Variants in EPCAM observed in about 807,000 individuals in gnomAD.
The protein encoded by EPCAM is epithelial cell adhesion molecule, also known as adenocarcinoma-associated antigen.
A neutral mutation model predicts 40.0 loss-of-function variants in EPCAM; 39 were observed. The observed-to-expected ratio is 0.98, with a 90% confidence interval of 0.76 to 1.27. The LOEUF is 1.27. EPCAM is among the 50% of genes most tolerant of loss of function. The probability of loss-of-function intolerance (pLI) is 0.00; values close to 1 mark genes in which losing one functional copy is unlikely to be tolerated. For missense variants in EPCAM, 503 were observed against 381.2 expected (o/e 1.32, Z -2.66); for synonymous variants, 168 against 132.3 (o/e 1.27, Z -1.85).
chr2:47,380,594 C>G (rs1434731049), intron 7 of EPCAM, among the ~76,000 whole-genome samples: 1 of 152,122 alleles, frequency 6.6e-6, no homozygotes, highest in African/African-American at 2.4e-5. Flanking sequence ...TACCTGAACC[C>G]CCAAACCACT....
chr2:47,379,949 G>C lies in EPCAM; in HGVS notation c.838G>C (p.Val280Leu), dbSNP rs1204242784. ...AVIVVVVIAVVAGIVVLVISR... is the reference protein window; with the variant it reads ...AVIVVVVIAVLAGIVVLVISR... ...TATTGTGGTTGTGGTGATAGCAGTT[G>C]TTGCTGGAATTGTTGTGCTGGTGAG... Residue 280 changes from valine to leucine, a missense_variant, in exon 7 of 9, where the codon GTT becomes CTT. Transcript: ENST00000263735. 9 of 1,613,026 alleles carry C rather than the reference G, an allele frequency of 5.6e-6. No homozygotes were observed. Among genetic ancestry groups the C allele is most frequent in the South Asian group, 1.1e-5 (1 of 90,980 alleles).
chr2:47,379,014 A>T lies in EPCAM; in HGVS notation c.617A>T (p.Asp206Val), dbSNP rs1671504051. 2 of 1,602,228 alleles carry T rather than the reference A, an allele frequency of 1.2e-6. No homozygotes were observed. The highest frequency in any genetic ancestry group is 4.5e-5 in the East Asian group (2 of 44,750). ...AATTCTTCTCAAAAAACTCAGAATG[A>T]TGTGGACATAGCTGATGTGGCTTAT... ...VQNSSQKTQNDVDIADVAYYF... is the reference protein window; with the variant it reads ...VQNSSQKTQNVVDIADVAYYF... The change falls in exon 6 of 9, where the codon GAT becomes GTT. Residue 206 changes from aspartate (D) to valine (V), a missense_variant. Physicochemically the swap from Asp to Val is radical, Grantham distance 152 (BLOSUM62 -3). Transcript: ENST00000263735.
chr2:47,375,115 A>G (rs1671387761), intron 3 of EPCAM, 119 bp from the exon 4 acceptor site: 2 of 702,648 alleles, frequency 2.8e-6, no homozygotes, highest in Admixed American at 4.4e-5. Flanking sequence ...AGGAATAGCT[A>G]CTGCATAAAT....
At chr2:47,369,981 A>G (rs1032847309) in intron 1 of EPCAM, among the ~76,000 whole-genome samples, 1 of 152,174 alleles carries the variant, frequency 6.6e-6, no homozygotes, top group Non-Finnish European at 1.5e-5. Flanking sequence ...AGTCTTTACG[A>G]CAGGGACCAG....
rs1052079647 is a variant in EPCAM, at chr2:47,369,437, A to C, written c.-69A>C. ...CTGCCCGGCCGGCTCCTCGTGTCCC[A>C]CTCCCGGCGCACGCCCTCCCGCGAG... On this transcript the variant is annotated 5_prime_UTR_variant, in exon 1 of 9. Coordinates refer to ENST00000263735, the MANE Select transcript of EPCAM (RefSeq NM_002354.3). The C allele has an allele frequency of 7.5e-7, 1 of 1,334,964 alleles. No individual in the cohort carries two copies. The highest frequency in any genetic ancestry group is 9.7e-7 in the Non-Finnish European group (1 of 1,033,542). The allele number at this position is 1,334,964 out of a possible 1,614,324, so 82.7% of individuals were successfully genotyped here.
chr2:47,379,064 A>G lies in EPCAM; in HGVS notation c.657+10A>G, dbSNP rs374108293. On this transcript the variant is annotated intron_variant, in intron 6 of 8. Transcript: ENST00000263735. ...TTATTTTGAAAAAGATGTGAGTATC[A>G]TCTTCTTTATTCCTGTGTTCAGGAA... is the stretch of plus-strand genomic sequence containing the variant. The G allele has an allele frequency of 1.2e-4, 156 of 1,324,668 alleles. No homozygotes were observed. In the African/African-American group the frequency reaches 2.1e-3, roughly 18 times the overall value. The allele number at this position is 1,324,668 out of a possible 1,614,324, so 82.1% of individuals were successfully genotyped here.
At position 47,379,928 on chromosome 2, in the gene EPCAM, G is replaced by T. The variant is rs148106293; in HGVS notation, c.817G>T (p.Val273Leu). The change falls in exon 7 of 9, where the codon GTG (valine) becomes TTG (leucine). Residue 273 changes from valine (V) to leucine (L), a missense_variant. Val to Leu is a conservative substitution (Grantham distance 32, BLOSUM62 1). Transcript: ENST00000263735. Reference sequence around the variant, plus strand: ...AAAAGCTGGTGTTATTGCTGTTATTGTGGTTGTGGTGATAGCAGTTGTTGC... The same window carrying T: ...AAAAGCTGGTGTTATTGCTGTTATTTTGGTTGTGGTGATAGCAGTTGTTGC... ...GLKAGVIAVI[V>L]VVVIAVVAGI... 2 of 1,613,952 alleles carry T rather than the reference G, an allele frequency of 1.2e-6. No individual in the cohort carries two copies. Among genetic ancestry groups the T allele is most frequent in the Non-Finnish European group, 1.7e-6 (2 of 1,179,914 alleles).
At position 47,377,095 on chromosome 2, in the gene EPCAM, G is replaced by A. The variant is rs2103753578; in HGVS notation, c.555+18G>A. 1 of 1,522,616 alleles carries A rather than the reference G, an allele frequency of 6.6e-7. No homozygotes were observed. The highest frequency in any genetic ancestry group is 9.1e-7 in the Non-Finnish European group (1 of 1,096,786). The allele number at this position is 1,522,616 out of a possible 1,614,324, so 94.3% of individuals were successfully genotyped here. A position where few individuals can be genotyped will look rare whatever the true frequency, so the allele number is the denominator to read the frequency against. ...GTATTTTGGTATGATTTTTTAATAA[G>A]TGAGCTTTAGCAGACAGTTGGTGAG... On this transcript the variant is annotated intron_variant, in intron 5 of 8. Transcript: ENST00000263735.
chr2:47,376,345 T>C (rs1467899066), intron 4 of EPCAM, among the ~76,000 whole-genome samples: 1 of 150,692 alleles, frequency 6.6e-6, no homozygotes, highest in Non-Finnish European at 1.5e-5. Context: ...CAACCTCTGC[T>C]TCCCGGATTC....
In EPCAM at chr2:47,379,940, A is replaced by T. The variant is rs1322763300; in HGVS notation, c.829A>T (p.Ile277Leu). Reference protein sequence around the residue: ...GVIAVIVVVVIAVVAGIVVLV... With the variant: ...GVIAVIVVVVLAVVAGIVVLV... ...TATTGCTGTTATTGTGGTTGTGGTG[A>T]TAGCAGTTGTTGCTGGAATTGTTGT... Residue 277 changes from isoleucine (I) to leucine (L), a missense_variant, in exon 7 of 9, where the codon ATA (isoleucine) becomes TTA (leucine). By Grantham distance (5) the Ile-to-Leu change is conservative. Transcript: ENST00000263735. 2 of 1,613,682 alleles carry T rather than the reference A, an allele frequency of 1.2e-6. No individual in the cohort carries two copies. The highest frequency in any genetic ancestry group is 2.2e-5 in the South Asian group (2 of 91,018).
In EPCAM at chr2:47,377,970, C is replaced by T. The variant is rs189454727; in HGVS notation, c.555+893C>T. Among the ~76,000 whole-genome samples the T allele has an allele frequency of 3.0e-3, 454 of 152,180 alleles. 1 individual carries two copies. Among genetic ancestry groups the T allele is most frequent in the Non-Finnish European group, 5.0e-3 (337 of 68,018 alleles). ...AATGATGGCCGGGCACGGTGGCTCA[C>T]GCCTGTAATCCCAGCACTTTGGGAG... On this transcript the variant is annotated intron_variant, in intron 5 of 8. Coordinates refer to ENST00000263735, the MANE Select transcript of EPCAM (RefSeq NM_002354.3).
chr2:47,371,791 A>G (rs1671277152), intron 1 of EPCAM, among the ~76,000 whole-genome samples: 1 of 152,158 alleles, frequency 6.6e-6, no homozygotes, highest in South Asian at 2.1e-4. Flanking sequence ...TTGTGACCCC[A>G]GTATTGAGTT....
rs181258023 is a variant in EPCAM at position 47,386,789 on chromosome 2, A to G, written c.*176A>G. ...AAGCAGCTTGAAACTGGCTTTACCA[A>G]TCTTGAAATTTGACCACAAGTGTCT... On this transcript the variant is annotated 3_prime_UTR_variant, in exon 9 of 9. Coordinates refer to ENST00000263735, the MANE Select transcript of EPCAM (RefSeq NM_002354.3). The G allele has an allele frequency of 4.2e-4, 212 of 504,614 alleles. No individual in the cohort carries two copies. In the East Asian group the frequency reaches 5.4e-3, roughly 13 times the overall value. The allele number at this position is 504,614 out of a possible 1,614,324, so 31.3% of individuals were successfully genotyped here.
At chr2:47,373,661 C>T (rs1671343468) in intron 2 of EPCAM, 91 bp downstream of exon 2, 2 of 1,438,690 alleles carry the variant, frequency 1.4e-6, no homozygotes, top group African/African-American at 2.8e-5. Flanking sequence ...GTTTTATTGG[C>T]TTAAATCTGA....
Position 47,369,354 on chromosome 2 carries a change from C to T in EPCAM, c.-152C>T. The T allele has an allele frequency of 1.6e-6, 2 of 1,219,958 alleles. No homozygotes were observed. Among genetic ancestry groups the T allele is most frequent in the Non-Finnish European group, 2.1e-6 (2 of 932,082 alleles). 75.6% of individuals were successfully genotyped at this position (1,219,958 alleles called of 1,614,324 possible). A position where few individuals can be genotyped will look rare whatever the true frequency, so the allele number is the denominator to read the frequency against. The stretch of plus-strand genomic sequence containing the variant: ...GGCGAGCGAGCACCTTCGACGCGGT[C>T]CGGGGACCCCCTCGTCGCTGTCCTC... On this transcript the variant is annotated 5_prime_UTR_variant, in exon 1 of 9. Transcript: ENST00000263735.
At chr2:47,385,141 C>G (rs780195253) in intron 7 of EPCAM, 25 bp from the exon 8 acceptor site, 1 of 1,593,128 alleles carries the variant, frequency 6.3e-7, no homozygotes, top group East Asian at 2.2e-5. Flanking sequence ...AGTCCTAAAA[C>G]AATAGTTGTC....
intron 1 of EPCAM, among the ~76,000 whole-genome samples, chr2:47,373,205 T>TTAAAAAA (rs1553342882): frequency 3.1e-5 from 2 of 65,048 alleles, no homozygotes; most frequent in Admixed American, 2.0e-4. Flanking sequence ...ACCCTATCTT[T>TTAAAAAA]AAAAAAAAAA....
chr2:47,376,069 C>T (rs77117319), intron 4 of EPCAM, among the ~76,000 whole-genome samples: 4 of 151,922 alleles, frequency 2.6e-5, no homozygotes, highest in South Asian at 2.1e-4. Flanking sequence ...GTAATTTTTC[C>T]CCTCTGATTC....
chr2:47,381,085 CAAAAAAAAAAAAAAAAAA>C (rs60299402), intron 7 of EPCAM, among the ~76,000 whole-genome samples: 3 of 38,998 alleles, frequency 7.7e-5, no homozygotes, highest in South Asian at 2.8e-3. Context: ...GACTCTGTCT[CAAAAAAAAAAAAAAAAAA>C]AAAAAAAAAA....
Sources: gnomAD v4.1 joint callset for allele counts (sites outside exome capture counted in the v4.1 genomes callset) on GRCh38, gnomAD v4.1.1 for gene constraint, MANE v1.5 for transcripts, NCBI Gene and HGNC (gene_info 2026-07-23, HGNC 2026-07-21) for gene names.